CXCL12: variants seen among roughly 807,000 people sequenced by gnomAD.
CXCL12 encodes the protein C-X-C motif chemokine ligand 12, also known as stromal cell-derived factor 1.
In CXCL12, 4 loss-of-function variants were observed where a neutral mutation model predicts 10.7. That is an observed-to-expected ratio of 0.37 (90% CI 0.18 to 0.86). The LOEUF is 0.86. CXCL12 is among the 40% of genes least tolerant of loss of function. The pLI, the probability that CXCL12 is intolerant of heterozygous loss-of-function variation, is 0.43. For synonymous variants in CXCL12, 54 were observed against 45.4 expected (o/e 1.19, Z -0.77); for missense variants, 122 against 110.4 (o/e 1.10, Z -0.47).
intron 1 of CXCL12, among the ~76,000 whole-genome samples, chr10:44,383,730 T>TGCCCAGCTTCTCCAGCCC (rs1839709539): frequency 6.6e-6 from 1 of 150,904 alleles, no homozygotes; most frequent in South Asian, 2.1e-4. Context: ...GACCCCAGGC[T>TGCCCAGCTTCTCCAGCCC]GCCCAGCTTC....
chr10:44,371,423 A>C (rs1839310158), downstream of CXCL12: 1 of 441,636 alleles, frequency 2.3e-6, no homozygotes, highest in Non-Finnish European at 4.5e-6. Flanking sequence ...GCCCCACTGA[A>C]AACTCAATTA....
In CXCL12 at chr10:44,377,700, G is replaced by A; in HGVS notation, c.*933C>T. 6.3e-7 allele frequency: 1 copy of A among 1,596,242 alleles called. No individual in the cohort carries two copies. Among genetic ancestry groups the A allele is most frequent in the Middle Eastern group, 1.7e-4 (1 of 6,032 alleles). On this transcript the variant is annotated 3_prime_UTR_variant, in exon 3 of 3. Coordinates refer to ENST00000343575, the MANE Select transcript of CXCL12 (RefSeq NM_199168.4). ...AAAGCGAGCTCTCAGATTTAAAATT[G>A]CATTTGATTCTGTAAAGACTTGTCT...
At chr10:44,372,719 C>G (rs1050116264), downstream of CXCL12, 1 of 1,426,972 alleles carries the variant, frequency 7.0e-7, no homozygotes, top group African/African-American at 1.4e-5. Flanking sequence ...TGGAGGTGCT[C>G]GGGATGAGGG....
At position 44,377,423 on chromosome 10, in the gene CXCL12, A is replaced by C; in HGVS notation, c.*1210T>G. Reference sequence around the variant, plus strand: ...AAAAAAAATGTGCACAAAAATATATATAAAAAAATGCCTTGCAAAAAGTTA... The same window carrying C: ...AAAAAAAATGTGCACAAAAATATATCTAAAAAAATGCCTTGCAAAAAGTTA... On this transcript the variant is annotated 3_prime_UTR_variant, in exon 3 of 3. Coordinates refer to ENST00000343575, the MANE Select transcript of CXCL12 (RefSeq NM_199168.4). 1 of 1,114,606 alleles carries C rather than the reference A, an allele frequency of 9.0e-7. No homozygotes were observed. The highest frequency in any genetic ancestry group is 1.1e-6 in the Non-Finnish European group (1 of 911,848). The allele number at this position is 1,114,606 out of a possible 1,614,324, so 69.0% of individuals were successfully genotyped here. A position where few individuals can be genotyped will look rare whatever the true frequency, so the allele number is the denominator to read the frequency against.
At chr10:44,374,220 T>C, downstream of CXCL12, 1 of 347,682 alleles carries the variant, frequency 2.9e-6, no homozygotes. Context: ...CTGGGCCCTC[T>C]GTCCCTAGGG....
chr10:44,371,357 C>A, downstream of CXCL12: 1 of 484,792 alleles, frequency 2.1e-6, no homozygotes, highest in East Asian at 5.7e-5. Context: ...GGGGCAGGTA[C>A]ATCCAAGTTC....
chr10:44,374,632 G>A (rs976193649), downstream of CXCL12: 1 of 456,094 alleles, frequency 2.2e-6, no homozygotes, highest in Non-Finnish European at 4.4e-6. Flanking sequence ...AGGCATGGCT[G>A]TGATCACAGG....
downstream of CXCL12, chr10:44,374,865 A>G (rs148103257): frequency 4.2e-3 from 1,540 of 367,392 alleles, 16 homozygotes; most frequent in African/African-American, 0.026. Flanking sequence ...TTTTCCGAGC[A>G]CTACTGAAAT....
downstream of CXCL12, chr10:44,374,478 C>A (rs1359192358): frequency 6.6e-6 from 3 of 456,066 alleles, no homozygotes; most frequent in Admixed American, 2.3e-5. Flanking sequence ...GACTAGGGCA[C>A]CCCTGTACCC....
chr10:44,374,762 C>A (rs1839409437), downstream of CXCL12: 1 of 438,330 alleles, frequency 2.3e-6, no homozygotes, highest in African/African-American at 2.0e-5. Context: ...CTTTCTCTTT[C>A]TGCATTTATT....
At chr10:44,372,809 C>A, downstream of CXCL12, 2 of 1,472,524 alleles carry the variant, frequency 1.4e-6, no homozygotes, top group Admixed American at 4.7e-5. Flanking sequence ...GAGGCAGACC[C>A]GGCTCCCATG....
chr10:44,385,010 C>A lies in CXCL12; in HGVS notation c.-5G>T. On this transcript the variant is annotated 5_prime_UTR_variant, in exon 1 of 3. Coordinates refer to ENST00000343575, the MANE Select transcript of CXCL12 (RefSeq NM_199168.4). ...GACCACGACCTTGGCGTTCATGGCG[C>A]GGGCGGGCGGGCGGGCGGGCGGACG... The A allele has an allele frequency of 1.0e-5, 1 of 100,386 alleles. No individual in the cohort carries two copies. The highest frequency in any genetic ancestry group is 7.4e-5 in the South Asian group (1 of 13,604). The allele number at this position is 100,386 out of a possible 1,614,324, so 6.2% of individuals were successfully genotyped here. A position where few individuals can be genotyped will look rare whatever the true frequency, so the allele number is the denominator to read the frequency against.
chr10:44,384,879 G>A (rs1234460638), intron 1 of CXCL12, 66 bp downstream of exon 1: 2 of 1,464,960 alleles, frequency 1.4e-6, no homozygotes, highest in African/African-American at 1.5e-5. Flanking sequence ...GAGGAGCCGC[G>A]GCTCTGCGCC....
intron 1 of CXCL12, among the ~76,000 whole-genome samples, chr10:44,383,086 G>A (rs1364946453): frequency 1.3e-5 from 2 of 152,196 alleles, no homozygotes; most frequent in Non-Finnish European, 1.5e-5. Flanking sequence ...GTTTAAGCCC[G>A]GGAAACCCAA....
downstream of CXCL12, chr10:44,374,525 G>C: frequency 2.2e-6 from 1 of 456,114 alleles, no homozygotes; most frequent in Non-Finnish European, 4.4e-6. Context: ...CTGGCAAGAG[G>C]AACGTGGGCC....
chr10:44,382,050 G>T, intron 1 of CXCL12, among the ~76,000 whole-genome samples: 1 of 152,082 alleles, frequency 6.6e-6, no homozygotes, highest in East Asian at 1.9e-4. Flanking sequence ...TGTGGACTAG[G>T]AATTGCATTG....
In CXCL12 at chr10:44,384,958, G is replaced by C. The variant is rs1839755710; in HGVS notation, c.48C>G (p.Leu16=). ...GAGCGCACTTACCGTCGCTGAGGCA[G>C]AGCGCGGTCAGCACGAGGACCAGCA... The part of the protein sequence containing the change: ...VVVLVLVLTA[L]CLSDGKPVSL... The change falls in exon 1 of 3, where the codon CTC becomes CTG. Residue 16 remains leucine, a synonymous_variant. Coordinates refer to ENST00000343575, the MANE Select transcript of CXCL12 (RefSeq NM_199168.4). 2 of 1,558,514 alleles carry C rather than the reference G, an allele frequency of 1.3e-6. No individual in the cohort carries two copies. Among genetic ancestry groups the C allele is most frequent in the Non-Finnish European group, 1.7e-6 (2 of 1,162,786 alleles).
At chr10:44,372,777 T>C, downstream of CXCL12, 1 of 1,451,798 alleles carries the variant, frequency 6.9e-7, no homozygotes. Flanking sequence ...CAGCTCAGGG[T>C]AGCCCTGCTG....
At chr10:44,375,068 G>A (rs751933637), downstream of CXCL12, among the ~76,000 whole-genome samples, 3 of 152,214 alleles carry the variant, frequency 2.0e-5, no homozygotes, top group Non-Finnish European at 2.9e-5. Context: ...TGGAGCACAC[G>A]CCATCACGCA....
Sources: gnomAD v4.1 joint callset for allele counts (sites outside exome capture counted in the v4.1 genomes callset) on GRCh38, gnomAD v4.1.1 for gene constraint, MANE v1.5 for transcripts, NCBI Gene and HGNC (gene_info 2026-07-23, HGNC 2026-07-21) for gene names.